MUC5AC: variants seen among roughly 807,000 people sequenced by gnomAD.
The protein encoded by MUC5AC is mucin-5AC.
In MUC5AC, 158 loss-of-function variants were observed where a neutral mutation model predicts 169.7. That is an observed-to-expected ratio of 0.93 (90% CI 0.82 to 1.06). The LOEUF (loss-of-function observed/expected upper bound fraction) is 1.06, where lower values mean the gene tolerates loss of function less well. Among genes scored for constraint, MUC5AC ranks in the 50% least tolerant of loss-of-function variants. The pLI, the probability that MUC5AC is intolerant of heterozygous loss-of-function variation, is 0.00. For missense variants in MUC5AC, 4,359 were observed against 3,089.9 expected (o/e 1.41, Z -9.74); for synonymous variants, 1,975 against 1,237.0 (o/e 1.60, Z -12.52).
chr11:1,190,917 A>G lies in MUC5AC; in HGVS notation c.12772A>G (p.Ser4258Gly), dbSNP rs1250600243. 2.0e-5 allele frequency: 15 copies of G among 738,258 alleles called. No individual in the cohort carries two copies. Among genetic ancestry groups the G allele is most frequent in the African/African-American group, 5.3e-5 (3 of 56,272 alleles). 45.7% of individuals were successfully genotyped at this position (738,258 alleles called of 1,614,324 possible). The change falls in exon 31 of 49, where the codon AGC becomes GGC. Residue 4258 changes from serine to glycine, a missense_variant. Physicochemically the swap from Ser to Gly is moderately conservative, Grantham distance 56. Coordinates refer to ENST00000621226, the MANE Select transcript of MUC5AC (RefSeq NM_001304359.2). ...STTSGPGTTP[S>G]PVPSTSTTSA... ...AACCTCTGGTCCTGGAACTACTCCAAGCCCTGTTCCCAGCACCAGTACAAC... is the reference window on the plus strand; with the variant it reads ...AACCTCTGGTCCTGGAACTACTCCAGGCCCTGTTCCCAGCACCAGTACAAC...
chr11:1,192,471 G>T lies in MUC5AC; in HGVS notation c.14326G>T (p.Ala4776Ser). Residue 4776 changes from alanine to serine, a missense_variant, in exon 31 of 49, where the codon GCT (alanine) becomes TCT (serine). Physicochemically the swap from Ala to Ser is moderately conservative, Grantham distance 99. Transcript: ENST00000621226. ...ASSSVASSSV[A>S]YSTQTCFCNV... ...CAGCTCTGTGGCATCCAGCTCTGTG[G>T]CTTACTCCACCCAAACCTGCTTCTG... is the stretch of plus-strand genomic sequence containing the variant. 1.3e-6 allele frequency: 1 copy of T among 765,084 alleles called. No homozygotes were observed. The highest frequency in any genetic ancestry group is 1.3e-5 in the South Asian group (1 of 74,620). 47.4% of individuals were successfully genotyped at this position (765,084 alleles called of 1,614,324 possible).
At position 1,187,495 on chromosome 11, in the gene MUC5AC, C is replaced by T. The variant is rs1554928246; in HGVS notation, c.9350C>T (p.Thr3117Ile). The T allele has an allele frequency of 3.6e-4, 268 of 738,454 alleles. 1 individual carries two copies. The highest frequency in any genetic ancestry group is 5.5e-4 in the Non-Finnish European group (222 of 404,736). The allele number at this position is 738,454 out of a possible 1,614,324, so 45.7% of individuals were successfully genotyped here. A position where few individuals can be genotyped will look rare whatever the true frequency, so the allele number is the denominator to read the frequency against. ...STTSASTASK[T>I]SGLGTTPSPI... ...ACCTCTGCCTCTACAGCCAGCAAAACCTCTGGTCTTGGAACTACTCCCAGC... is the reference window on the plus strand; with the variant it reads ...ACCTCTGCCTCTACAGCCAGCAAAATCTCTGGTCTTGGAACTACTCCCAGC... Residue 3117 changes from threonine (T) to isoleucine (I), a missense_variant, in exon 31 of 49, where the codon ACC (threonine) becomes ATC (isoleucine). Physicochemically the swap from Thr to Ile is moderately conservative, Grantham distance 89. Transcript: ENST00000621226.
Position 1,196,081 on chromosome 11 carries a change from C to A in MUC5AC, c.15637+27C>A, listed in dbSNP as rs751804487. 2.1e-5 allele frequency: 16 copies of A among 753,878 alleles called. No homozygotes were observed. The East Asian group carries it at 2.7e-4, about 13-fold the overall frequency. The allele number at this position is 753,878 out of a possible 1,614,324, so 46.7% of individuals were successfully genotyped here. A position where few individuals can be genotyped will look rare whatever the true frequency, so the allele number is the denominator to read the frequency against. ...TGAGTGCCACCACTGTCCTCAGGGTCCCAAGTCGCTTGTGAGGGGCACAGG... is the reference window on the plus strand; with the variant it reads ...TGAGTGCCACCACTGTCCTCAGGGTACCAAGTCGCTTGTGAGGGGCACAGG... On this transcript the variant is annotated intron_variant, in intron 37 of 48. Transcript: ENST00000621226.
chr11:1,166,842 G>A (rs1216021358), intron 11 of MUC5AC, among the ~76,000 whole-genome samples: 3 of 95,536 alleles, frequency 3.1e-5, no homozygotes, highest in African/African-American at 1.4e-4. Context: ...GTTTCTCCAC[G>A]ATGAGACCCT....
chr11:1,192,979 A>G lies in MUC5AC; in HGVS notation c.14577A>G (p.Arg4859=), dbSNP rs1861163331. 4.2e-6 allele frequency: 3 copies of G among 710,486 alleles called. No individual in the cohort carries two copies. The South Asian group carries it at 4.4e-5, about 10-fold the overall frequency. The allele number at this position is 710,486 out of a possible 1,614,324, so 44.0% of individuals were successfully genotyped here. The change falls in exon 32 of 49, where the codon AGA becomes AGG. Residue 4859 remains arginine (R), a synonymous_variant. Transcript: ENST00000621226. ...ELGCPNAVPP[R]KKGETWATPN... is the part of the protein sequence containing the mutation. The stretch of plus-strand genomic sequence containing the variant: ...GATGCCCAAATGCGGTTCCCCCCAG[A>G]AAGGTAACCCCCTACTTCTCACCCT...
In MUC5AC at chr11:1,188,897, G is replaced by A. The variant is rs1185319536; in HGVS notation, c.10752G>A (p.Gln3584=). The change falls in exon 31 of 49, where the codon CAG becomes CAA. Residue 3584 remains glutamine, a synonymous_variant. Coordinates refer to ENST00000621226, the MANE Select transcript of MUC5AC (RefSeq NM_001304359.2). Reference sequence around the variant, plus strand: ...AGGTGAGCATCGAACACCTGGGCCAGGTGGTGCAGTGCAGCCGCGAAGAGG... The same window carrying A: ...AGGTGAGCATCGAACACCTGGGCCAAGTGGTGCAGTGCAGCCGCGAAGAGG... ...HPEVSIEHLG[Q]VVQCSREEGL... 1.3e-6 allele frequency: 1 copy of A among 763,140 alleles called. No homozygotes were observed. The highest frequency in any genetic ancestry group is 1.7e-5 in the African/African-American group (1 of 59,076). The allele number at this position is 763,140 out of a possible 1,614,324, so 47.3% of individuals were successfully genotyped here.
chr11:1,185,535 C>T lies in MUC5AC; in HGVS notation c.7390C>T (p.Pro2464Ser), dbSNP rs1468029772. ...TCCCACGACCAGCACAACCTCTGCCCCTACAACAAGAACAACTTCTGCTCC... is the reference window on the plus strand; with the variant it reads ...TCCCACGACCAGCACAACCTCTGCCTCTACAACAAGAACAACTTCTGCTCC... ...PVPTTSTTSA[P>S]TTRTTSAPKS... Residue 2464 changes from proline (P) to serine (S), a missense_variant, in exon 31 of 49, where the codon CCT becomes TCT. Coordinates refer to ENST00000621226, the MANE Select transcript of MUC5AC (RefSeq NM_001304359.2). 3 of 722,232 alleles carry T rather than the reference C, an allele frequency of 4.2e-6. No individual in the cohort carries two copies. The African/African-American group carries it at 5.2e-5, about 13-fold the overall frequency. 44.7% of individuals were successfully genotyped at this position (722,232 alleles called of 1,614,324 possible). A position where few individuals can be genotyped will look rare whatever the true frequency, so the allele number is the denominator to read the frequency against.
chr11:1,184,318 A>G lies in MUC5AC; in HGVS notation c.6173A>G (p.Lys2058Arg), dbSNP rs2133754840. The G allele has an allele frequency of 2.1e-6, 1 of 474,474 alleles. No homozygotes were observed. Among genetic ancestry groups the G allele is most frequent in the South Asian group, 5.0e-5 (1 of 20,026 alleles). 29.4% of individuals were successfully genotyped at this position (474,474 alleles called of 1,614,324 possible). ...NVCRDITRPP[K>R]TVATTRPTPH... ...TGCAGAGACATCACCAGACCGCCAA[A>G]GACCGTCGCAACGACACGGCCGACT... Residue 2058 changes from lysine to arginine, a missense_variant, in exon 31 of 49, where the codon AAG (lysine) becomes AGG (arginine). Lys to Arg is a conservative substitution (Grantham distance 26). Transcript: ENST00000621226.
At chr11:1,160,844 T>C (rs1860122218) in intron 2 of MUC5AC, among the ~76,000 whole-genome samples, 155 bp downstream of exon 2, 1 of 152,176 alleles carries the variant, frequency 6.6e-6, no homozygotes, top group East Asian at 1.9e-4. Flanking sequence ...CCCACATCCA[T>C]GGCCCTGGTC....
In MUC5AC at chr11:1,197,477, A is replaced by G. The variant is rs781148416; in HGVS notation, c.15871A>G (p.Thr5291Ala). ...GTCCCCTTCCTTGCAGGTGGGCCAC[A>G]CCGTCGGCATGGACTGCCAGGAGTG... ...PHGEPVKVGH[T>A]VGMDCQECTC... The change falls in exon 41 of 49, where the codon ACC becomes GCC. Residue 5291 changes from threonine to alanine, a missense_variant. Coordinates refer to ENST00000621226, the MANE Select transcript of MUC5AC (RefSeq NM_001304359.2). The G allele has an allele frequency of 1.4e-6, 1 of 712,660 alleles. No homozygotes were observed. Among genetic ancestry groups the G allele is most frequent in the South Asian group, 1.5e-5 (1 of 68,100 alleles). 44.1% of individuals were successfully genotyped at this position (712,660 alleles called of 1,614,324 possible).
intron 15 of MUC5AC, among the ~76,000 whole-genome samples, chr11:1,171,084 A>G (rs1298375466): frequency 0.44 from 42,041 of 96,048 alleles, 8,299 homozygotes; most frequent in African/African-American, 0.65. Context: ...ACCCATTCAC[A>G]CACTCACCGA....
Position 1,198,017 on chromosome 11 carries a change from G to C in MUC5AC, c.16135+13G>C. ...GTCCAAAACTGCAGTGAGTGGCCTGGACCAGGCCCTGTCAGGGGCCGTGGG... is the reference window on the plus strand; with the variant it reads ...GTCCAAAACTGCAGTGAGTGGCCTGCACCAGGCCCTGTCAGGGGCCGTGGG... On this transcript the variant is annotated intron_variant, in intron 42 of 48. Coordinates refer to ENST00000621226, the MANE Select transcript of MUC5AC (RefSeq NM_001304359.2). The C allele has an allele frequency of 1.5e-6, 1 of 670,666 alleles. No homozygotes were observed. Among genetic ancestry groups the C allele is most frequent in the African/African-American group, 1.8e-5 (1 of 56,336 alleles). The allele number at this position is 670,666 out of a possible 1,614,324, so 41.5% of individuals were successfully genotyped here.
At chr11:1,196,982 C>A in intron 40 of MUC5AC, 74 bp downstream of exon 40, 1 of 717,692 alleles carries the variant, frequency 1.4e-6, no homozygotes, top group Non-Finnish European at 2.5e-6. Context: ...AAACACCGGC[C>A]CCAGAAATGG....
In MUC5AC at chr11:1,189,472, C is replaced by A. The variant is rs1455244852; in HGVS notation, c.11327C>A (p.Thr3776Asn). Residue 3776 changes from threonine to asparagine, a missense_variant, in exon 31 of 49, where the codon ACC (threonine) becomes AAC (asparagine). Thr to Asn is a moderately conservative substitution (Grantham distance 65). Transcript: ENST00000621226. ...STSSAPTTNT[T>N]SAPTTSTTSA... ...TCCTCGGCTCCTACAACCAACACAA[C>A]CTCTGCCCCTACAACTAGCACTACC... The A allele has an allele frequency of 5.2e-6, 3 of 580,994 alleles. No homozygotes were observed. Among genetic ancestry groups the A allele is most frequent in the African/African-American group, 1.9e-5 (1 of 53,622 alleles). 36.0% of individuals were successfully genotyped at this position (580,994 alleles called of 1,614,324 possible).
At chr11:1,193,769 G>A (rs1286989554) in intron 33 of MUC5AC, 110 bp downstream of exon 33, 3 of 669,184 alleles carry the variant, frequency 4.5e-6, no homozygotes, top group African/African-American at 3.5e-5. Flanking sequence ...AAAGAATTGG[G>A]TGGGACAGCA....
Position 1,193,549 on chromosome 11 carries a change from C to G in MUC5AC, c.14645C>G (p.Ser4882Cys). 1.3e-6 allele frequency: 1 copy of G among 763,424 alleles called. No homozygotes were observed. The highest frequency in any genetic ancestry group is 2.4e-6 in the Non-Finnish European group (1 of 417,208). 47.3% of individuals were successfully genotyped at this position (763,424 alleles called of 1,614,324 possible). Reference protein sequence around the residue: ...EATCEGNNVISLRPRTCPRVE... With the variant: ...EATCEGNNVICLRPRTCPRVE... Reference sequence around the variant, plus strand: ...ACCTGTGAGGGCAACAACGTCATCTCCCTGCGCCCGCGCACGTGCCCGAGG... The same window carrying G: ...ACCTGTGAGGGCAACAACGTCATCTGCCTGCGCCCGCGCACGTGCCCGAGG... The change falls in exon 33 of 49, where the codon TCC (serine) becomes TGC (cysteine). Residue 4882 changes from serine (S) to cysteine (C), a missense_variant. Physicochemically the swap from Ser to Cys is moderately radical, Grantham distance 112. Transcript: ENST00000621226.
In MUC5AC at chr11:1,182,102, C is replaced by G. The variant is rs938849995; in HGVS notation, c.4010-53C>G. 5 of 385,502 alleles carry G rather than the reference C, an allele frequency of 1.3e-5. No homozygotes were observed. The Admixed American group carries it at 2.3e-4, about 18-fold the overall frequency. 23.9% of individuals were successfully genotyped at this position (385,502 alleles called of 1,614,324 possible). A position where few individuals can be genotyped will look rare whatever the true frequency, so the allele number is the denominator to read the frequency against. ...TGACAGAGCCGCAGGGAGGGGCGGG[C>G]GGCCCCCAAGTGCGGGCCTCTCATG... On this transcript the variant is annotated intron_variant, in intron 30 of 48. Transcript: ENST00000621226.
chr11:1,190,502 C>T lies in MUC5AC; in HGVS notation c.12357C>T (p.Pro4119=). ...PTTSTIPAST[P]STTSAPTTST... ...CCAGCACAATCCCTGCTTCTACACC[C>T]AGCACAACCTCTGCCCCTACAACCA... Residue 4119 remains proline, a synonymous_variant, in exon 31 of 49, where the codon CCC becomes CCT. Coordinates refer to ENST00000621226, the MANE Select transcript of MUC5AC (RefSeq NM_001304359.2). 4 of 500,804 alleles carry T rather than the reference C, an allele frequency of 8.0e-6. No individual in the cohort carries two copies. The highest frequency in any genetic ancestry group is 2.7e-5 in the East Asian group (1 of 37,050). 31.0% of individuals were successfully genotyped at this position (500,804 alleles called of 1,614,324 possible). A position where few individuals can be genotyped will look rare whatever the true frequency, so the allele number is the denominator to read the frequency against.
chr11:1,162,528 A>G lies in MUC5AC; in HGVS notation c.474-4A>G. 1 of 1,611,732 alleles carries G rather than the reference A, an allele frequency of 6.2e-7. No homozygotes were observed. Among genetic ancestry groups the G allele is most frequent in the East Asian group, 2.2e-5 (1 of 44,810 alleles). On this transcript the variant is annotated splice_polypyrimidine_tract_variant and splice_region_variant and intron_variant, in intron 4 of 48. Coordinates refer to ENST00000621226, the MANE Select transcript of MUC5AC (RefSeq NM_001304359.2). Reference sequence around the variant, plus strand: ...CAGCCCCTCAGCCCTGCCTTCCTCCACAGGGTCCTGCTGCCCTTCAGCCAG... The same window carrying G: ...CAGCCCCTCAGCCCTGCCTTCCTCCGCAGGGTCCTGCTGCCCTTCAGCCAG...
Sources: allele counts gnomAD v4.1 joint callset (sites outside exome capture counted in the v4.1 genomes callset), GRCh38; gene constraint gnomAD v4.1.1; transcripts MANE v1.5; gene names NCBI Gene and HGNC (gene_info 2026-07-23, HGNC 2026-07-21).